Variants in DOCK7 observed in about 807,000 individuals in gnomAD.
DOCK7 encodes dedicator of cytokinesis protein 7.
Under a neutral mutation model 271.0 loss-of-function variants are expected in DOCK7, and 138 were observed. The observed-to-expected ratio is 0.51, with a 90% CI of 0.44 to 0.59. The LOEUF (loss-of-function observed/expected upper bound fraction) is 0.59, where lower values mean the gene tolerates loss of function less well. Among genes scored for constraint, DOCK7 ranks in the 20% least tolerant of loss-of-function variants. DOCK7 has a pLI of 0.00. For synonymous variants in DOCK7, 823 were observed against 876.1 expected (o/e 0.94, Z 1.07); for missense variants, 2,066 against 2,592.4 (o/e 0.80, Z 4.41).
intron 14 of DOCK7, among the ~76,000 whole-genome samples, chr1:62,592,062 C>T (rs1003837940): frequency 2.0e-5 from 3 of 152,108 alleles, no homozygotes; most frequent in Admixed American, 6.5e-5. Flanking sequence ...CTATAAACTA[C>T]GTTTGATTTC....
intron 1 of DOCK7, among the ~76,000 whole-genome samples, chr1:62,680,104 A>G (rs1227123999): frequency 6.6e-6 from 1 of 152,222 alleles, no homozygotes; most frequent in African/African-American, 2.4e-5. Context: ...AAAAGAACAA[A>G]GCTGGAGGCA....
chr1:62,630,904 G>A (rs570639621), intron 11 of DOCK7, among the ~76,000 whole-genome samples: 4 of 152,066 alleles, frequency 2.6e-5, no homozygotes, highest in Non-Finnish European at 5.9e-5. Flanking sequence ...GAAAAAAGAG[G>A]CCGGGCATGG....
chr1:62,507,539 A>G (rs955514411), intron 35 of DOCK7, among the ~76,000 whole-genome samples: 2 of 152,256 alleles, frequency 1.3e-5, no homozygotes, highest in Non-Finnish European at 2.9e-5. Flanking sequence ...TACTGCCCAG[A>G]GGGCAACTGT....
At chr1:62,545,112 G>C in intron 22 of DOCK7, 73 bp from the exon 23 acceptor site, 1 of 1,337,346 alleles carries the variant, frequency 7.5e-7, no homozygotes, top group Non-Finnish European at 1.0e-6. Context: ...TATTCTTAAA[G>C]AAATTCAGAT....
chr1:62,557,358 T>C (rs950971802), intron 20 of DOCK7, among the ~76,000 whole-genome samples: 1 of 151,754 alleles, frequency 6.6e-6, no homozygotes, highest in Non-Finnish European at 1.5e-5. Context: ...TTTCTCCCCA[T>C]GTATTTTTCT....
chr1:62,484,437 A>T (rs1348345608), intron 43 of DOCK7: 1 of 152,174 alleles, frequency 6.6e-6, no homozygotes, highest in Admixed American at 6.5e-5. Flanking sequence ...AACTTGTATT[A>T]GTGTACTTCT....
In DOCK7 at chr1:62,513,572, G is replaced by C. The variant is rs1351586758; in HGVS notation, c.4154C>G (p.Thr1385Ser). Reference sequence around the variant, plus strand: ...TCTCATGTCTTTTGATTTCTTAAAGGTCAAGCTATTCATTCGTTCAAACAC... The same window carrying C: ...TCTCATGTCTTTTGATTTCTTAAAGCTCAAGCTATTCATTCGTTCAAACAC... ...KKVFERMNSL[T>S]FKKSKDMRAK... Residue 1385 changes from threonine to serine, a missense_variant, in exon 33 of 50, where the codon ACC becomes AGC. By Grantham distance (58) the Thr-to-Ser change is moderately conservative (BLOSUM62 1). Around this residue, in one of 2 missense-constraint regions of DOCK7, gnomAD observed 652 missense variants for 922.1 expected, o/e 0.71. Transcript: ENST00000635253. 6.2e-7 allele frequency: 1 copy of C among 1,613,836 alleles called. No individual in the cohort carries two copies. The highest frequency in any genetic ancestry group is 8.5e-7 in the Non-Finnish European group (1 of 1,179,970).
At chr1:62,687,212 T>C (rs1205615305) in intron 1 of DOCK7, among the ~76,000 whole-genome samples, 1 of 152,224 alleles carries the variant, frequency 6.6e-6, no homozygotes, top group East Asian at 1.9e-4. Context: ...ACAAATATGA[T>C]TTTATTAAAA....
chr1:62,667,656 G>T (rs1050535737), intron 1 of DOCK7, among the ~76,000 whole-genome samples: 1 of 152,124 alleles, frequency 6.6e-6, no homozygotes, highest in Non-Finnish European at 1.5e-5. Context: ...TGGAGAGGTT[G>T]CAGTGAGCCT....
chr1:62,662,196 A>G (rs965523044), intron 2 of DOCK7, among the ~76,000 whole-genome samples: 1 of 152,138 alleles, frequency 6.6e-6, no homozygotes, highest in African/African-American at 2.4e-5. Context: ...AATGACCTCT[A>G]ATTTTAAGAC....
intron 2 of DOCK7, among the ~76,000 whole-genome samples, chr1:62,662,056 C>A (rs956066730): frequency 4.6e-5 from 7 of 152,076 alleles, no homozygotes; most frequent in Admixed American, 4.6e-4. Flanking sequence ...CATTATAAGT[C>A]GATCAAACTG....
intron 1 of DOCK7, among the ~76,000 whole-genome samples, chr1:62,678,169 TAAGA>T (rs1225597421): frequency 6.6e-6 from 1 of 152,052 alleles, no homozygotes; most frequent in Non-Finnish European, 1.5e-5. Flanking sequence ...AATAAAAATG[TAAGA>T]ATGTTCAACA....
At chr1:62,566,896 G>A (rs550788106) in intron 18 of DOCK7, among the ~76,000 whole-genome samples, 1 of 89,646 alleles carries the variant, frequency 1.1e-5, no homozygotes, top group South Asian at 3.1e-4. Flanking sequence ...GTTATGAACA[G>A]ACACTTCTCA....
intron 1 of DOCK7, chr1:62,687,529 C>G (rs1661933493): frequency 2.9e-5 from 2 of 68,726 alleles, no homozygotes; most frequent in Admixed American, 1.5e-4. Flanking sequence ...CAGGCGAACT[C>G]AGAACAAGCT....
intron 37 of DOCK7, among the ~76,000 whole-genome samples, chr1:62,498,930 T>A (rs184049197): frequency 2.4e-4 from 36 of 152,114 alleles, no homozygotes; most frequent in African/African-American, 8.4e-4. Flanking sequence ...GCCTCCCAAG[T>A]AGCTGGGATT....
intron 16 of DOCK7, among the ~76,000 whole-genome samples, chr1:62,582,290 C>T (rs1647152160): frequency 6.6e-6 from 1 of 151,974 alleles, no homozygotes; most frequent in South Asian, 2.1e-4. Context: ...GTGGCTCACG[C>T]CTGTAATCCC....
intron 1 of DOCK7, among the ~76,000 whole-genome samples, chr1:62,670,778 A>C (rs527958469): frequency 1.3e-5 from 2 of 152,270 alleles, no homozygotes; most frequent in South Asian, 2.1e-4. Flanking sequence ...CGACTCTACC[A>C]ATCAGCAGGA....
chr1:62,500,045 A>G (rs546863729), intron 37 of DOCK7, among the ~76,000 whole-genome samples: 3 of 152,210 alleles, frequency 2.0e-5, no homozygotes, highest in Non-Finnish European at 4.4e-5. Flanking sequence ...ATCCCAGCCA[A>G]AACACATTTC....
intron 34 of DOCK7, among the ~76,000 whole-genome samples, chr1:62,508,686 G>A (rs1161895266): frequency 6.6e-6 from 1 of 152,028 alleles, no homozygotes; most frequent in African/African-American, 2.4e-5. Flanking sequence ...AAAAGATCAT[G>A]TTATATTCTG....
Sources: allele counts gnomAD v4.1 joint callset (sites outside exome capture counted in the v4.1 genomes callset), GRCh38; gene constraint gnomAD v4.1.1; regional missense constraint gnomAD v4.1.1; transcripts MANE v1.5; gene names NCBI Gene and HGNC (gene_info 2026-07-23, HGNC 2026-07-21).